Variants in ADAM2 observed in about 807,000 individuals in gnomAD.
ADAM2 encodes the protein disintegrin and metalloproteinase domain-containing protein 2.
Under a neutral mutation model 99.3 loss-of-function variants are expected in ADAM2, and 101 were observed. The ratio of observed to expected loss-of-function variants is 1.02; its 90% CI spans 0.87 to 1.20. ADAM2 has a LOEUF of 1.20. ADAM2 is among the 50% of genes most tolerant of loss of function. ADAM2 has a pLI of 0.00. For synonymous variants in ADAM2, 323 were observed against 287.6 expected, an observed-to-expected ratio of 1.12 and a Z score of -1.25; for missense variants, 948 against 878.7, an observed-to-expected ratio of 1.08 and a Z score of -1.00.
chr8:39,749,395 C>A lies in ADAM2; in HGVS notation c.1931G>T (p.Cys644Phe), dbSNP rs1165417418. Reference sequence around the variant, plus strand: ...AGGCCATAGATCTGATTGAACTGAGCAATCTGGAGGTAAATATGAAGCACT... The same window carrying A: ...AGGCCATAGATCTGATTGAACTGAGAAATCTGGAGGTAAATATGAAGCACT... Reference protein sequence around the residue: ...HCSASYLPPDCSVQSDLWPGG... With the variant: ...HCSASYLPPDFSVQSDLWPGG... Residue 644 changes from cysteine to phenylalanine, a missense_variant, in exon 18 of 21, where the codon TGC becomes TTC. Coordinates refer to ENST00000265708, the MANE Select transcript of ADAM2 (RefSeq NM_001464.5). 6.2e-7 allele frequency: 1 copy of A among 1,613,184 alleles called. No individual in the cohort carries two copies. The highest frequency in any genetic ancestry group is 1.3e-5 in the African/African-American group (1 of 74,842).
At chr8:39,790,948 G>A (rs1803685368) in intron 7 of ADAM2, among the ~76,000 whole-genome samples, 2 of 151,902 alleles carry the variant, frequency 1.3e-5, no homozygotes, top group African/African-American at 4.8e-5. Context: ...AAGATACAGA[G>A]CTTACCTAAA....
At chr8:39,807,957 A>G (rs1277026841) in intron 7 of ADAM2, among the ~76,000 whole-genome samples, 1 of 152,146 alleles carries the variant, frequency 6.6e-6, no homozygotes, top group Non-Finnish European at 1.5e-5. Context: ...TGACAACAAC[A>G]CAGCAGCTAA....
chr8:39,803,044 C>T (rs1405340536), intron 7 of ADAM2, among the ~76,000 whole-genome samples: 2 of 152,152 alleles, frequency 1.3e-5, no homozygotes, highest in Admixed American at 6.5e-5. Flanking sequence ...CCCCACACAA[C>T]AGTTGATCTA....
intron 7 of ADAM2, among the ~76,000 whole-genome samples, chr8:39,808,768 T>A (rs538354531): frequency 6.6e-6 from 1 of 152,056 alleles, no homozygotes; most frequent in East Asian, 1.9e-4. Flanking sequence ...ATACAAAAAT[T>A]AGCTGGGCAT....
At chr8:39,780,771 TGC>T in intron 10 of ADAM2, among the ~76,000 whole-genome samples, 1 of 152,272 alleles carries the variant, frequency 6.6e-6, no homozygotes, top group South Asian at 2.1e-4. Flanking sequence ...AATAATATTT[TGC>T]TGCTTTATAC....
chr8:39,817,102 G>A (rs1180676827), intron 6 of ADAM2, among the ~76,000 whole-genome samples: 4 of 151,848 alleles, frequency 2.6e-5, no homozygotes, highest in Admixed American at 2.6e-4. Flanking sequence ...TAATAAAAAA[G>A]ATGTAACATC....
At chr8:39,805,299 A>G (rs1804391461) in intron 7 of ADAM2, among the ~76,000 whole-genome samples, 1 of 152,194 alleles carries the variant, frequency 6.6e-6, no homozygotes, top group South Asian at 2.1e-4. Context: ...AGGTCAAGAA[A>G]AGTGACTAGG....
chr8:39,824,778 C>CCTTA, intron 4 of ADAM2, 41 bp downstream of exon 4: 4 of 1,011,320 alleles, frequency 4.0e-6, no homozygotes, highest in Non-Finnish European at 6.2e-6. Context: ...TGATCATAGA[C>CCTTA]ACTCACATGA....
At position 39,788,123 on chromosome 8, in the gene ADAM2, A is replaced by G. The variant is rs1803553253; in HGVS notation, c.771T>C (p.Tyr257=). The G allele has an allele frequency of 1.3e-6, 2 of 1,570,004 alleles. No homozygotes were observed. Residue 257 remains tyrosine, a synonymous_variant, in exon 9 of 21, where the codon TAT becomes TAC. Coordinates refer to ENST00000265708, the MANE Select transcript of ADAM2 (RefSeq NM_001464.5). ...LHTFLRWKTS[Y]LVLRPHDVAF... is the part of the protein sequence containing the mutation. Reference sequence around the variant, plus strand: ...CCACATCATGAGGACGTAAAACAAGATAAGATGTTTTCCATCTTAAAAATG... The same window carrying G: ...CCACATCATGAGGACGTAAAACAAGGTAAGATGTTTTCCATCTTAAAAATG...
chr8:39,794,122 T>C (rs755623403), intron 7 of ADAM2, among the ~76,000 whole-genome samples: 4 of 152,172 alleles, frequency 2.6e-5, no homozygotes, highest in East Asian at 3.9e-4. Flanking sequence ...GTATCAGGCA[T>C]ATGGCTAAAA....
chr8:39,837,380 T>TG (rs1309323836), intron 1 of ADAM2, among the ~76,000 whole-genome samples, 168 bp from the exon 2 acceptor site: 2 of 150,162 alleles, frequency 1.3e-5, no homozygotes, highest in African/African-American at 2.5e-5. Flanking sequence ...TCTGTTTTTC[T>TG]GTTTTTTTTT....
At chr8:39,823,680 C>T (rs542896762) in intron 4 of ADAM2, among the ~76,000 whole-genome samples, 1 of 151,334 alleles carries the variant, frequency 6.6e-6, no homozygotes, top group African/African-American at 2.4e-5. Context: ...ATCTTCTGTC[C>T]TCTCTCTCAT....
rs1586111975 is a variant in ADAM2 at position 39,794,394 on chromosome 8, T to C, written c.571-5654A>G. 2.0e-5 allele frequency among the ~76,000 whole-genome samples: 3 copies of C among 152,266 alleles called. No homozygotes were observed. In the South Asian group the frequency reaches 6.2e-4, roughly 32 times the overall value. On this transcript the variant is annotated intron_variant, in intron 7 of 20. Coordinates refer to ENST00000265708, the MANE Select transcript of ADAM2 (RefSeq NM_001464.5). ...TACACTTGTTTGTGGATAACTTCAG[T>C]GCATGAAAAGTTAGCTATAGCATGC...
chr8:39,831,867 T>C (rs1805631076), intron 3 of ADAM2, among the ~76,000 whole-genome samples: 1 of 152,140 alleles, frequency 6.6e-6, no homozygotes, highest in South Asian at 2.1e-4. Flanking sequence ...CAATTTTAAA[T>C]ATACATTTAA....
intron 4 of ADAM2, among the ~76,000 whole-genome samples, chr8:39,824,597 G>T (rs1805325625): frequency 6.6e-6 from 1 of 152,074 alleles, no homozygotes; most frequent in African/African-American, 2.4e-5. Context: ...CCCTTAGCAT[G>T]TGTCTAAATA....
intron 7 of ADAM2, among the ~76,000 whole-genome samples, chr8:39,807,480 C>T (rs1804488109): frequency 6.6e-6 from 1 of 152,162 alleles, no homozygotes; most frequent in Admixed American, 6.5e-5. Flanking sequence ...AATTATCTCT[C>T]TCCAAAATTT....
At position 39,824,875 on chromosome 8, in the gene ADAM2, TA is replaced by T; in HGVS notation, c.210del (p.Phe70LeufsTer12). ...CCTGTGCCACTATAACTGTAAACTC[TA>T]AAATTATGGGGTAAAAAGTTTCTGT... ...LMQKNFLPHN[F>X]RVYSYSGTGI... is the part of the protein sequence containing the mutation. On this transcript the variant is annotated frameshift_variant, in exon 4 of 21. Transcript: ENST00000265708. LOFTEE classifies it high-confidence loss of function. 1 of 1,537,018 alleles carries T rather than the reference TA, an allele frequency of 6.5e-7. No individual in the cohort carries two copies. The highest frequency in any genetic ancestry group is 8.9e-7 in the Non-Finnish European group (1 of 1,117,856).
chr8:39,830,217 C>T (rs1805561615), intron 3 of ADAM2, among the ~76,000 whole-genome samples: 1 of 152,016 alleles, frequency 6.6e-6, no homozygotes, highest in Non-Finnish European at 1.5e-5. Context: ...AGAAAGGAGA[C>T]CTATTTCCCA....
intron 7 of ADAM2, among the ~76,000 whole-genome samples, chr8:39,791,294 A>G (rs1255437406): frequency 6.6e-6 from 1 of 152,012 alleles, no homozygotes; most frequent in Non-Finnish European, 1.5e-5. Flanking sequence ...TTTAACCCAT[A>G]TAAAGAATGT....
Sources: gnomAD v4.1 joint callset for allele counts (sites outside exome capture counted in the v4.1 genomes callset) on GRCh38, gnomAD v4.1.1 for gene constraint, MANE v1.5 for transcripts, NCBI Gene and HGNC (gene_info 2026-07-23, HGNC 2026-07-21) for gene names.